The following SLIT3 variants were observed in gnomAD, a reference collection of about 807,000 sequenced individuals.
SLIT3 encodes the protein slit homolog 3 protein.
In SLIT3, 68 loss-of-function variants were observed where a neutral mutation model predicts 184.0. The ratio of observed to expected loss-of-function variants is 0.37; its 90% CI spans 0.30 to 0.45. SLIT3 has a LOEUF of 0.45. SLIT3 is among the 20% of genes least tolerant of loss of function. SLIT3 has a pLI of 1.00. For missense variants in SLIT3, 1,707 were observed against 2,026.0 expected, an observed-to-expected ratio of 0.84 and a Z score of 3.02; for synonymous variants, 831 against 828.6, an observed-to-expected ratio of 1.00 and a Z score of -0.05.
intron 1 of SLIT3, among the ~76,000 whole-genome samples, chr5:169,285,069 C>T (rs980713571): frequency 2.0e-5 from 3 of 152,072 alleles, no homozygotes; most frequent in Non-Finnish European, 4.4e-5. Flanking sequence ...TACCACCATG[C>T]CAAGCTAATT....
intron 4 of SLIT3, among the ~76,000 whole-genome samples, chr5:168,954,450 A>G (rs2113255836): frequency 6.6e-6 from 1 of 152,334 alleles, no homozygotes; most frequent in South Asian, 2.1e-4. Context: ...CTCCGAGAGT[A>G]AAGGAAGAAC....
chr5:168,880,261 G>A (rs1406861192), intron 5 of SLIT3, among the ~76,000 whole-genome samples: 5 of 152,094 alleles, frequency 3.3e-5, no homozygotes, highest in South Asian at 2.1e-4. Context: ...TGTTTTCACC[G>A]TGATCTGTCC....
intron 4 of SLIT3, among the ~76,000 whole-genome samples, chr5:169,162,681 C>T (rs114761442): frequency 0.014 from 2,192 of 152,276 alleles, 36 homozygotes; most frequent in Non-Finnish European, 0.018. Flanking sequence ...TTCCTGACCC[C>T]GATTGTTATG....
intron 1 of SLIT3, among the ~76,000 whole-genome samples, chr5:169,253,083 GA>G (rs34252659): frequency 0.24 from 33,263 of 141,338 alleles, 4,946 homozygotes; most frequent in East Asian, 0.62. Context: ...TGGTTTAGAA[GA>G]AAAAAAAAAA....
intron 27 of SLIT3, among the ~76,000 whole-genome samples, chr5:168,697,309 T>C (rs1339653666): frequency 6.6e-6 from 1 of 152,090 alleles, no homozygotes; most frequent in Non-Finnish European, 1.5e-5. Flanking sequence ...GTCTCTAGAG[T>C]GTTAAATCTC....
intron 18 of SLIT3, 105 bp from the exon 19 acceptor site, chr5:168,749,740 C>G (rs1470263376): frequency 8.0e-7 from 1 of 1,252,336 alleles, no homozygotes; most frequent in African/African-American, 1.5e-5. Context: ...GAGGAGGTCT[C>G]AGGAAGGAAA....
intron 20 of SLIT3, among the ~76,000 whole-genome samples, chr5:168,725,830 T>C (rs1763092280): frequency 6.6e-6 from 1 of 152,152 alleles, no homozygotes; most frequent in African/African-American, 2.4e-5. Flanking sequence ...CTAAATGGGA[T>C]AGAAATGGGT....
intron 32 of SLIT3, among the ~76,000 whole-genome samples, chr5:168,675,884 C>T (rs1761391806): frequency 6.6e-6 from 1 of 152,122 alleles, no homozygotes. Flanking sequence ...CACTCAAATC[C>T]ATTGGGAAAT....
At chr5:168,690,331 C>T (rs539782284) in intron 29 of SLIT3, among the ~76,000 whole-genome samples, 120 of 152,228 alleles carry the variant, frequency 7.9e-4, no homozygotes, top group African/African-American at 2.7e-3. Flanking sequence ...GACGGGGTTT[C>T]ACCATGTTGG....
rs555758314 is a variant in SLIT3 at position 169,158,483 on chromosome 5, T to C, written c.413+34996A>G. ...CCCCTAAAAGATGGCTAAAAAAAAA[T>C]CCTCTAAACAAAAAGAAAATGACTA... On this transcript the variant is annotated intron_variant, in intron 4 of 35. Transcript: ENST00000519560. 2.0e-5 allele frequency among the ~76,000 whole-genome samples: 3 copies of C among 151,114 alleles called. No homozygotes were observed. In the East Asian group the frequency reaches 5.9e-4, roughly 29 times the overall value.
At chr5:168,731,705 T>C (rs1763295298) in intron 20 of SLIT3, among the ~76,000 whole-genome samples, 2 of 152,016 alleles carry the variant, frequency 1.3e-5, no homozygotes, top group South Asian at 4.1e-4. Context: ...ACAAAAACCA[T>C]ATGATCATCT....
chr5:169,068,433 G>A (rs1193853504), intron 4 of SLIT3, among the ~76,000 whole-genome samples: 2 of 152,126 alleles, frequency 1.3e-5, no homozygotes, highest in African/African-American at 2.4e-5. Flanking sequence ...AAGTATAGGA[G>A]AATAATGTAG....
chr5:168,998,125 A>G (rs1273023824), intron 4 of SLIT3, among the ~76,000 whole-genome samples: 1 of 152,168 alleles, frequency 6.6e-6, no homozygotes, highest in Non-Finnish European at 1.5e-5. Flanking sequence ...GAGTTACAAG[A>G]AAGAAAGTCA....
At position 169,134,626 on chromosome 5, in the gene SLIT3, G is replaced by A. The variant is rs142119316; in HGVS notation, c.413+58853C>T. 2.0e-5 allele frequency among the ~76,000 whole-genome samples: 3 copies of A among 152,304 alleles called. No individual in the cohort carries two copies. In the East Asian group the frequency reaches 5.8e-4, roughly 29 times the overall value. On this transcript the variant is annotated intron_variant, in intron 4 of 35. Coordinates refer to ENST00000519560, the MANE Select transcript of SLIT3 (RefSeq NM_003062.4). ...AGGGCTGGGGGCTGGGGGAGGGATA[G>A]CATTAGGAGAAATACCTAATGAAAA...
intron 4 of SLIT3, among the ~76,000 whole-genome samples, chr5:169,155,948 A>C (rs1195270043): frequency 6.6e-6 from 1 of 152,190 alleles, no homozygotes; most frequent in Non-Finnish European, 1.5e-5. Context: ...CCATAACAAA[A>C]TGGATCCGTG....
intron 18 of SLIT3, among the ~76,000 whole-genome samples, chr5:168,751,153 G>A (rs1362307223): frequency 2.0e-5 from 3 of 152,050 alleles, no homozygotes; most frequent in Non-Finnish European, 4.4e-5. Context: ...GAGCTAGAAT[G>A]GAGAGAGGGA....
At chr5:169,025,370 C>T (rs573281520) in intron 4 of SLIT3, among the ~76,000 whole-genome samples, 1 of 152,300 alleles carries the variant, frequency 6.6e-6, no homozygotes, top group Admixed American at 6.5e-5. Context: ...ACATCTCTGG[C>T]CTATAGGTGA....
intron 4 of SLIT3, among the ~76,000 whole-genome samples, chr5:169,124,245 T>C (rs1366838012): frequency 6.6e-6 from 1 of 152,238 alleles, no homozygotes; most frequent in Non-Finnish European, 1.5e-5. Context: ...ATCTTGACCT[T>C]GATGGAGTTG....
chr5:168,856,785 G>GTC (rs1758886932), intron 5 of SLIT3, among the ~76,000 whole-genome samples: 1 of 145,302 alleles, frequency 6.9e-6, no homozygotes, highest in Non-Finnish European at 1.5e-5. Context: ...GTGTGTGTGT[G>GTC]TGTGTGTGTG....
Sources: allele counts gnomAD v4.1 joint callset (sites outside exome capture counted in the v4.1 genomes callset), GRCh38; gene constraint gnomAD v4.1.1; transcripts MANE v1.5; gene names NCBI Gene and HGNC (gene_info 2026-07-23, HGNC 2026-07-21).